MYO6: variants seen among roughly 807,000 people sequenced by gnomAD.
MYO6 encodes unconventional myosin-VI.
Under a neutral mutation model 178.7 loss-of-function variants are expected in MYO6, and 74 were observed. The observed-to-expected ratio is 0.41, with a 90% confidence interval of 0.34 to 0.50. The LOEUF is 0.50. Among genes scored for constraint, MYO6 ranks in the 20% least tolerant of loss-of-function variants. MYO6 has a pLI of 0.09. For synonymous variants in MYO6, 477 were observed against 504.6 expected, an observed-to-expected ratio of 0.95 and a Z score of 0.73; for missense variants, 1,330 against 1,547.4, an observed-to-expected ratio of 0.86 and a Z score of 2.36.
At chr6:75,785,404 T>A (rs967400676) in intron 1 of MYO6, among the ~76,000 whole-genome samples, 1 of 152,224 alleles carries the variant, frequency 6.6e-6, no homozygotes, top group Non-Finnish European at 1.5e-5. Context: ...TATACATCTT[T>A]TCCTTTGTGA....
intron 1 of MYO6, among the ~76,000 whole-genome samples, chr6:75,795,783 G>A (rs534183212): frequency 3.3e-5 from 5 of 152,042 alleles, no homozygotes; most frequent in Non-Finnish European, 7.4e-5. Context: ...TTACTAATCC[G>A]GCACATTTGT....
At chr6:75,870,332 C>G (rs573612105) in intron 18 of MYO6, among the ~76,000 whole-genome samples, 17 of 152,092 alleles carry the variant, frequency 1.1e-4, no homozygotes, top group African/African-American at 3.9e-4. Context: ...TTTTCATTTA[C>G]TTCCTTCATT....
chr6:75,848,082 T>G (rs1414857595), intron 10 of MYO6, among the ~76,000 whole-genome samples: 3 of 152,176 alleles, frequency 2.0e-5, no homozygotes, highest in Non-Finnish European at 4.4e-5. Context: ...AATTGTAATT[T>G]AATTGAAAAA....
At chr6:75,846,785 GA>G (rs1450450191) in intron 10 of MYO6, among the ~76,000 whole-genome samples, 6 of 152,064 alleles carry the variant, frequency 3.9e-5, no homozygotes, top group Non-Finnish European at 2.9e-5. Context: ...ATGGAGTAGA[GA>G]GGAAAGAAAA....
rs887822551 is a variant in MYO6 at position 75,887,840 on chromosome 6, G to A, written c.2658+846G>A. ...TACAAAAAAAAAAAATTAGCCAGGCGTGATGGGGGGCACCTGTAGCCCCAG... is the reference window on the plus strand; with the variant it reads ...TACAAAAAAAAAAAATTAGCCAGGCATGATGGGGGGCACCTGTAGCCCCAG... On this transcript the variant is annotated intron_variant, in intron 25 of 34. Coordinates refer to ENST00000369977, the MANE Select transcript of MYO6 (RefSeq NM_004999.4). 7.2e-4 allele frequency among the ~76,000 whole-genome samples: 109 copies of A among 150,486 alleles called. 3 individuals are homozygous for A. Among genetic ancestry groups the A allele is most frequent in the African/African-American group, 1.5e-4 (6 of 40,856 alleles).
intron 20 of MYO6, among the ~76,000 whole-genome samples, chr6:75,874,326 G>C (rs1273662080): frequency 6.6e-6 from 1 of 152,164 alleles, no homozygotes; most frequent in Non-Finnish European, 1.5e-5. Flanking sequence ...AAGACAGGAT[G>C]GCACCAGTTA....
chr6:75,785,808 A>G (rs538742032), intron 1 of MYO6, among the ~76,000 whole-genome samples: 50 of 152,072 alleles, frequency 3.3e-4, no homozygotes, highest in Non-Finnish European at 6.9e-4. Flanking sequence ...GTGGATATCC[A>G]GTTGTCCCCG....
At chr6:75,855,066 T>C in intron 11 of MYO6, 73 bp from the exon 12 acceptor site, 1 of 1,326,950 alleles carries the variant, frequency 7.5e-7, no homozygotes, top group Non-Finnish European at 1.1e-6. Flanking sequence ...TGAAGTATAA[T>C]TCTAAGAAAT....
At chr6:75,750,097 CT>C (rs200110417) in intron 1 of MYO6, among the ~76,000 whole-genome samples, 4,051 of 137,874 alleles carry the variant, frequency 0.029, 109 homozygotes, top group East Asian at 0.13. Flanking sequence ...AATTCATTAC[CT>C]TTTTTTTTTT....
At chr6:75,791,708 GCATTTGGCATGAA>G (rs1283495787) in intron 1 of MYO6, among the ~76,000 whole-genome samples, 1 of 152,190 alleles carries the variant, frequency 6.6e-6, no homozygotes, top group Non-Finnish European at 1.5e-5. Context: ...TGAAGCAGAA[GCATTTGGCATGAA>G]CAGTTTAAAA....
chr6:75,788,536 G>A lies in MYO6; in HGVS notation c.-47-28965G>A, dbSNP rs116388234. Among the ~76,000 whole-genome samples the A allele has an allele frequency of 5.3e-3, 804 of 152,202 alleles. 6 individuals are homozygous for A. Among genetic ancestry groups the A allele is most frequent in the African/African-American group, 0.018 (736 of 41,508 alleles). On this transcript the variant is annotated intron_variant, in intron 1 of 34. Transcript: ENST00000369977. The stretch of plus-strand genomic sequence containing the variant: ...AACGATATTGCTTGTATTTACTTAT[G>A]TTCTCCCCACTAAACTGAAGCACCC...
At chr6:75,847,139 G>A (rs183337516) in intron 10 of MYO6, among the ~76,000 whole-genome samples, 2 of 152,192 alleles carry the variant, frequency 1.3e-5, no homozygotes, top group East Asian at 3.9e-4. Context: ...TTCTTTGACT[G>A]CAAGACTAAA....
rs61398235 is a variant in MYO6, at chr6:75,854,275, CTTTTTTTTTTTTTT to C, written c.1079-845_1079-832del. On this transcript the variant is annotated intron_variant, in intron 11 of 34. Coordinates refer to ENST00000369977, the MANE Select transcript of MYO6 (RefSeq NM_004999.4). Reference sequence around the variant, plus strand: ...CATGGGTCAAGACCTAACTGCATTGCTTTTTTTTTTTTTTTTTTTTTTTTTTTTTTTTGCTATTC... The same window carrying C: ...CATGGGTCAAGACCTAACTGCATTGCTTTTTTTTTTTTTTTTTTGCTATTC... Among the ~76,000 whole-genome samples, 65 of 45,506 alleles carry C rather than the reference CTTTTTTTTTTTTTT, an allele frequency of 1.4e-3. No individual in the cohort carries two copies. In the East Asian group the frequency reaches 0.024, roughly 17 times the overall value. 29.9% of individuals were successfully genotyped at this position (45,506 alleles called of 152,430 possible). A position where few individuals can be genotyped will look rare whatever the true frequency, so the allele number is the denominator to read the frequency against.
intron 30 of MYO6, among the ~76,000 whole-genome samples, chr6:75,899,118 A>C (rs906526825): frequency 6.6e-6 from 1 of 152,138 alleles, no homozygotes; most frequent in African/African-American, 2.4e-5. Flanking sequence ...AAACATTTAA[A>C]TGTGTTGCAT....
intron 1 of MYO6, among the ~76,000 whole-genome samples, chr6:75,771,944 A>C (rs1238076796): frequency 6.6e-6 from 1 of 152,170 alleles, no homozygotes; most frequent in Non-Finnish European, 1.5e-5. Context: ...TTGTGTACTA[A>C]TTTTTAAAAT....
At chr6:75,752,669 T>C (rs1777003347) in intron 1 of MYO6, among the ~76,000 whole-genome samples, 1 of 152,232 alleles carries the variant, frequency 6.6e-6, no homozygotes, top group African/African-American at 2.4e-5. Context: ...GTAGATATGA[T>C]AGGCCGTGAA....
intron 1 of MYO6, among the ~76,000 whole-genome samples, chr6:75,808,201 T>A (rs1280042): frequency 0.15 from 22,391 of 152,226 alleles, 2,629 homozygotes; most frequent in African/African-American, 0.33. Flanking sequence ...CACAAACGTT[T>A]GTATTCTGAC....
intron 20 of MYO6, among the ~76,000 whole-genome samples, chr6:75,876,576 G>C (rs1295725516): frequency 6.6e-6 from 1 of 152,130 alleles, no homozygotes; most frequent in Non-Finnish European, 1.5e-5. Context: ...CTAGTGTCCT[G>C]GCAAGTTGCA....
intron 19 of MYO6, among the ~76,000 whole-genome samples, chr6:75,872,287 T>A (rs1380044457): frequency 2.6e-5 from 4 of 152,272 alleles, no homozygotes; most frequent in Admixed American, 1.3e-4. Flanking sequence ...TTTCATTGTA[T>A]ACATAATCAG....
Sources: gnomAD v4.1 joint callset for allele counts (sites outside exome capture counted in the v4.1 genomes callset) on GRCh38, gnomAD v4.1.1 for gene constraint, MANE v1.5 for transcripts, NCBI Gene and HGNC (gene_info 2026-07-23, HGNC 2026-07-21) for gene names.